IQSEC3: variants seen among roughly 807,000 people sequenced by gnomAD.
The protein encoded by IQSEC3 is IQ motif and SEC7 domain-containing protein 3.
IQSEC3 carries 50 observed loss-of-function variants against 105.4 expected under a neutral mutation model. The observed-to-expected ratio is 0.47, with a 90% CI of 0.38 to 0.60. The LOEUF is 0.60. IQSEC3 is among the 20% of genes least tolerant of loss of function. The pLI, the probability that IQSEC3 is intolerant of heterozygous loss-of-function variation, is 0.00. For missense variants in IQSEC3, 1,415 were observed against 1,630.0 expected (o/e 0.87, Z 2.27); for synonymous variants, 708 against 746.0 (o/e 0.95, Z 0.83).
rs577885596 is a variant in IQSEC3, at chr12:99,041, G to A, written c.555-105G>A. 8.8e-5 allele frequency: 87 copies of A among 991,820 alleles called. 2 individuals are homozygous for A. Among genetic ancestry groups the A allele is most frequent in the African/African-American group, 7.6e-4 (47 of 62,032 alleles). The allele number at this position is 991,820 out of a possible 1,614,324, so 61.4% of individuals were successfully genotyped here. A position where few individuals can be genotyped will look rare whatever the true frequency, so the allele number is the denominator to read the frequency against. On this transcript the variant is annotated intron_variant, in intron 1 of 13. Coordinates refer to ENST00000538872, the MANE Select transcript of IQSEC3 (RefSeq NM_001170738.2). ...TTTTTACACAGGGGCTCAAAAGGGC[G>A]GGGGTAGGAGCAGCAAGATTTCAGG...
At chr12:91,413 C>T (rs1555073383) in intron 1 of IQSEC3, among the ~76,000 whole-genome samples, 1 of 152,174 alleles carries the variant, frequency 6.6e-6, no homozygotes, top group Non-Finnish European at 1.5e-5. Flanking sequence ...TGCTCCTTCC[C>T]CATCTGGCCA....
intron 2 of IQSEC3, among the ~76,000 whole-genome samples, chr12:117,239 A>G (rs971862568): frequency 1.3e-5 from 2 of 152,168 alleles, no homozygotes; most frequent in Admixed American, 1.3e-4. Context: ...CAAGGTGTAC[A>G]GTGAGCTGTG....
chr12:73,090 AT>A, intron 1 of IQSEC3, among the ~76,000 whole-genome samples: 2 of 145,262 alleles, frequency 1.4e-5, no homozygotes, highest in African/African-American at 5.1e-5. Flanking sequence ...AAATAAATAA[AT>A]AAATAAAAAA....
rs782319971 is a variant in IQSEC3, at chr12:138,736, G to A, written c.1373G>A (p.Ser458Asn). ...GLEAEGRAPE[S>N]AGPGPGDDAA... is the part of the protein sequence containing the mutation. ...GAGGCCGAGGGGCGGGCGCCGGAGA[G>A]CGCGGGCCCCGGGCCCGGGGATGAC... Residue 458 changes from serine (S) to asparagine (N), a missense_variant, in exon 4 of 14, where the codon AGC becomes AAC. This residue lies in a region of IQSEC3 where 720 missense variants were observed against 633.0 expected (regional missense o/e 1.14). Coordinates refer to ENST00000538872, the MANE Select transcript of IQSEC3 (RefSeq NM_001170738.2). The surrounding 1 kb of genome is among the most constrained non-coding windows in gnomAD (Gnocchi z 7.1). 2 of 1,511,416 alleles carry A rather than the reference G, an allele frequency of 1.3e-6. No homozygotes were observed. Among genetic ancestry groups the A allele is most frequent in the East Asian group, 2.5e-5 (1 of 40,518 alleles). The allele number at this position is 1,511,416 out of a possible 1,614,324, so 93.6% of individuals were successfully genotyped here.
chr12:97,533 A>G (rs1171241257), intron 1 of IQSEC3, among the ~76,000 whole-genome samples: 5 of 152,250 alleles, frequency 3.3e-5, no homozygotes, highest in Admixed American at 2.6e-4. Context: ...AGGTTGGCTC[A>G]GACAGGTGTG....
chr12:130,965 A>T (rs1865568779), intron 3 of IQSEC3, among the ~76,000 whole-genome samples: 2 of 138,848 alleles, frequency 1.4e-5, no homozygotes, highest in African/African-American at 5.3e-5. Flanking sequence ...AACCCTTGGA[A>T]GCCCCCCACA....
chr12:145,047 G>A (rs1555090580), intron 5 of IQSEC3, among the ~76,000 whole-genome samples: 1 of 152,154 alleles, frequency 6.6e-6, no homozygotes, highest in East Asian at 1.9e-4. Context: ...TTGCCCAGCT[G>A]GTCTCAAACT....
chr12:87,487 C>A (rs1555072361), intron 1 of IQSEC3, among the ~76,000 whole-genome samples: 2 of 152,116 alleles, frequency 1.3e-5, no homozygotes, highest in Admixed American at 6.6e-5. Context: ...TCACTAGGGA[C>A]CTCCCTAGAT....
chr12:155,432 C>T lies in IQSEC3; in HGVS notation c.2154-1593C>T, dbSNP rs117766914. Among the ~76,000 whole-genome samples the T allele has an allele frequency of 8.7e-3, 1,331 of 152,216 alleles. 51 individuals are homozygous for T. The East Asian group carries it at 0.13, about 15-fold the overall frequency. On this transcript the variant is annotated intron_variant, in intron 5 of 13. Transcript: ENST00000538872. ...ATGGGCCCTGCCTACGGGAGAGAGGCGAAAAGGAAAGAGGAGGAGAGACTC... is the reference window on the plus strand; with the variant it reads ...ATGGGCCCTGCCTACGGGAGAGAGGTGAAAAGGAAAGAGGAGGAGAGACTC...
chr12:102,154 T>C, intron 2 of IQSEC3, among the ~76,000 whole-genome samples: 1 of 121,826 alleles, frequency 8.2e-6, no homozygotes, highest in Admixed American at 8.7e-5. Context: ...CCCCCATCAG[T>C]CTGGCTCCTC....
At chr12:98,918 G>GTA (rs1302118822) in intron 1 of IQSEC3, among the ~76,000 whole-genome samples, 1 of 152,198 alleles carries the variant, frequency 6.6e-6, no homozygotes, top group Non-Finnish European at 1.5e-5. Flanking sequence ...CACACAGGAG[G>GTA]TAGCATCTGA....
At chr12:163,823 C>T (rs565433104) in intron 9 of IQSEC3, among the ~76,000 whole-genome samples, 3 of 152,248 alleles carry the variant, frequency 2.0e-5, no homozygotes, top group South Asian at 2.1e-4. Context: ...ATTCCTACCT[C>T]ATAAGTCATG....
At chr12:129,042 G>A (rs1468549071) in intron 3 of IQSEC3, among the ~76,000 whole-genome samples, 6 of 152,266 alleles carry the variant, frequency 3.9e-5, no homozygotes, top group African/African-American at 7.2e-5. Context: ...ACCTGTCCCC[G>A]ACCCCATCTG....
In IQSEC3 at chr12:174,720, T is replaced by TGCC. The variant is rs746736589; in HGVS notation, c.3246_3248dup (p.Pro1084dup). The TGCC allele has an allele frequency of 2.5e-6, 4 of 1,581,550 alleles. No homozygotes were observed. The highest frequency in any genetic ancestry group is 3.4e-6 in the Non-Finnish European group (4 of 1,173,616). ...CCCCCGAGACAGCAGACCCCACCAC[T>TGCC]GCCGCCGCCGCCACCCACGCCCCCG... On this transcript the variant is annotated inframe_insertion, in exon 14 of 14. Transcript: ENST00000538872.
At chr12:76,781 G>A (rs1863547077) in intron 1 of IQSEC3, among the ~76,000 whole-genome samples, 2 of 152,256 alleles carry the variant, frequency 1.3e-5, no homozygotes, top group Non-Finnish European at 2.9e-5. Flanking sequence ...GCTCAGGTAC[G>A]GGGCGGCCAG....
intron 2 of IQSEC3, among the ~76,000 whole-genome samples, chr12:105,468 G>A (rs1332204010): frequency 6.6e-6 from 1 of 152,176 alleles, no homozygotes; most frequent in Non-Finnish European, 1.5e-5. Flanking sequence ...TGTGCTCCTG[G>A]GTGATCTGAG....
chr12:117,406 G>T (rs1273597445), intron 2 of IQSEC3, among the ~76,000 whole-genome samples: 1 of 152,260 alleles, frequency 6.6e-6, no homozygotes, highest in Admixed American at 6.5e-5. Flanking sequence ...TCCGGGGGCA[G>T]TAAGATGGCA....
chr12:162,214 G>T, intron 8 of IQSEC3, 149 bp downstream of exon 8: 1 of 815,702 alleles, frequency 1.2e-6, no homozygotes, highest in South Asian at 2.1e-5. Context: ...GCCAGACACT[G>T]CATCTCTTTT....
At chr12:153,277 C>A (rs887002720) in intron 5 of IQSEC3, among the ~76,000 whole-genome samples, 1 of 152,080 alleles carries the variant, frequency 6.6e-6, no homozygotes, top group Non-Finnish European at 1.5e-5. Flanking sequence ...TGACACAGGC[C>A]CCATCAGGAA....
Sources: gnomAD v4.1 joint callset for allele counts (sites outside exome capture counted in the v4.1 genomes callset) on GRCh38, gnomAD v4.1.1 for gene constraint, gnomAD v4.1.1 regional missense constraint, Gnocchi (gnomAD v3.1) non-coding constraint, MANE v1.5 for transcripts, NCBI Gene and HGNC (gene_info 2026-07-23, HGNC 2026-07-21) for gene names.